The following DOCK8 variants were observed in gnomAD, a reference collection of about 807,000 sequenced individuals.
DOCK8 encodes dedicator of cytokinesis 8.
In DOCK8, 141 loss-of-function variants were observed where a neutral mutation model predicts 245.6. The observed-to-expected ratio is 0.57, with a 90% CI of 0.50 to 0.66. The LOEUF (loss-of-function observed/expected upper bound fraction) is 0.66, where lower values mean the gene tolerates loss of function less well. DOCK8 is among the 30% of genes least tolerant of loss of function. The pLI is 0.00. For synonymous variants in DOCK8, 1,168 were observed against 970.2 expected (o/e 1.20, Z -3.79); for missense variants, 2,965 against 2,603.4 (o/e 1.14, Z -3.02).
intron 28 of DOCK8, among the ~76,000 whole-genome samples, chr9:411,891 C>G (rs555533686): frequency 1.3e-5 from 2 of 152,234 alleles, no homozygotes; most frequent in South Asian, 4.1e-4. Context: ...AATAACGCTT[C>G]CTGATAAAAA....
At chr9:225,946 G>A (rs1039493636) in intron 1 of DOCK8, among the ~76,000 whole-genome samples, 12 of 152,162 alleles carry the variant, frequency 7.9e-5, no homozygotes, top group African/African-American at 2.9e-4. Flanking sequence ...GTGAATGAGG[G>A]GAGAGGAGGA....
chr9:370,105 C>T (rs2053216480), intron 15 of DOCK8, 125 bp from the exon 16 acceptor site: 4 of 852,700 alleles, frequency 4.7e-6, no homozygotes, highest in Non-Finnish European at 7.9e-6. Context: ...TCCTGGCCAA[C>T]CCAGCACTCT....
At chr9:316,117 G>A (rs7032778) in intron 6 of DOCK8, among the ~76,000 whole-genome samples, 81,914 of 151,996 alleles carry the variant, frequency 0.54, 23,213 homozygotes, top group African/African-American at 0.69. Flanking sequence ...ATATTTACCA[G>A]GAAGGTGACT....
Position 232,115 on chromosome 9 carries a change from G to A in DOCK8, c.53+17086G>A, listed in dbSNP as rs12351572. Among the ~76,000 whole-genome samples the A allele has an allele frequency of 2.6e-3, 394 of 152,018 alleles. 2 individuals carry two copies. Among genetic ancestry groups the A allele is most frequent in the African/African-American group, 9.0e-3 (371 of 41,404 alleles). On this transcript the variant is annotated intron_variant, in intron 1 of 47. Coordinates refer to ENST00000432829, the MANE Select transcript of DOCK8 (RefSeq NM_203447.4). The stretch of plus-strand genomic sequence containing the variant: ...GAGTTTTTAGCATGAAGCGTTGTTG[G>A]ATTTTGTCAAAGGCCTTTTCTGCAT...
intron 2 of DOCK8, 148 bp from the exon 3 acceptor site, chr9:286,313 C>A: frequency 1.2e-6 from 1 of 822,006 alleles, no homozygotes; most frequent in Non-Finnish European, 1.9e-6. Flanking sequence ...CTGTGTTTGA[C>A]AGCTCCTCCA....
At chr9:424,788 G>A (rs1050896985) in intron 33 of DOCK8, among the ~76,000 whole-genome samples, 1 of 152,176 alleles carries the variant, frequency 6.6e-6, no homozygotes, top group African/African-American at 2.4e-5. Flanking sequence ...CTACTGAACT[G>A]TATACTTACA....
intron 14 of DOCK8, among the ~76,000 whole-genome samples, chr9:357,619 C>A (rs917549031): frequency 1.3e-5 from 2 of 151,476 alleles, no homozygotes; most frequent in Admixed American, 1.3e-4. Context: ...ACTGCATTTG[C>A]TGTTTGTGAG....
intron 32 of DOCK8, among the ~76,000 whole-genome samples, chr9:421,846 T>A (rs533032786): frequency 6.6e-6 from 1 of 152,272 alleles, no homozygotes; most frequent in South Asian, 2.1e-4. Context: ...GAGGTTCTTC[T>A]TATATTCTAG....
chr9:348,711 T>C (rs1489261577), intron 14 of DOCK8, among the ~76,000 whole-genome samples: 2 of 152,236 alleles, frequency 1.3e-5, no homozygotes, highest in African/African-American at 4.8e-5. Context: ...TTCTATACTT[T>C]TGTTAGTTTT....
intron 14 of DOCK8, among the ~76,000 whole-genome samples, chr9:346,251 C>G (rs2051879513): frequency 6.6e-6 from 1 of 152,096 alleles, no homozygotes; most frequent in South Asian, 2.1e-4. Flanking sequence ...TAGTGGTTTG[C>G]CTAGGAACAC....
chr9:450,270 C>A (rs1207449268), intron 45 of DOCK8, among the ~76,000 whole-genome samples: 1 of 152,160 alleles, frequency 6.6e-6, no homozygotes, highest in Admixed American at 6.5e-5. Flanking sequence ...CCAATTCACG[C>A]AGAGTAATTG....
At chr9:323,181 T>C (rs2050597587) in intron 7 of DOCK8, among the ~76,000 whole-genome samples, 1 of 151,414 alleles carries the variant, frequency 6.6e-6, no homozygotes, top group African/African-American at 2.4e-5. Context: ...CACTGGGCTT[T>C]TCGGTGGTAA....
intron 1 of DOCK8, chr9:220,936 G>T (rs1384223935): frequency 4.3e-6 from 1 of 235,100 alleles, no homozygotes; most frequent in Non-Finnish European, 8.7e-6. Context: ...GTTCAGGCTG[G>T]TCTAGTCTTA....
chr9:258,607 T>C (rs1459395070), intron 1 of DOCK8, among the ~76,000 whole-genome samples: 1 of 147,492 alleles, frequency 6.8e-6, no homozygotes, highest in Non-Finnish European at 1.5e-5. Flanking sequence ...TTTTTTTTTT[T>C]TTTTTTTTGA....
intron 4 of DOCK8, among the ~76,000 whole-genome samples, chr9:294,933 G>A (rs2049191321): frequency 6.6e-6 from 1 of 152,214 alleles, no homozygotes; most frequent in Non-Finnish European, 1.5e-5. Context: ...GCTGAGGCAG[G>A]TGGATCACTT....
chr9:408,908 G>GCA (rs146609576), intron 28 of DOCK8, among the ~76,000 whole-genome samples: 3 of 140,106 alleles, frequency 2.1e-5, no homozygotes, highest in African/African-American at 9.8e-5. Flanking sequence ...GCGTGCACAT[G>GCA]CACACACACA....
At chr9:256,781 T>A in intron 1 of DOCK8, among the ~76,000 whole-genome samples, 1 of 150,266 alleles carries the variant, frequency 6.7e-6, no homozygotes, top group African/African-American at 2.5e-5. Context: ...CAGGCTTCAG[T>A]GCACATCAGA....
Position 458,218 on chromosome 9 carries a change from T to G in DOCK8, c.6069-5299T>G, listed in dbSNP as rs866184135. 6 of 152,346 alleles carry G rather than the reference T, an allele frequency of 3.9e-5. No individual in the cohort carries two copies. The Middle Eastern group carries it at 0.01, about 259-fold the overall frequency. The allele number at this position is 152,346 out of a possible 1,614,324, so 9.4% of individuals were successfully genotyped here. A position where few individuals can be genotyped will look rare whatever the true frequency, so the allele number is the denominator to read the frequency against. On this transcript the variant is annotated intron_variant, in intron 46 of 47. Transcript: ENST00000432829. ...CCAATCCTTTGCCATGCCATCCTGG[T>G]TCTAGTGTACCCATTCTCGTGGTCA...
At chr9:435,284 T>A (rs183003887) in intron 39 of DOCK8, among the ~76,000 whole-genome samples, 162 of 152,344 alleles carry the variant, frequency 1.1e-3, no homozygotes, top group Middle Eastern at 3.4e-3. Context: ...GGGTTTTTTT[T>A]AAATTACTGT....
Sources: gnomAD v4.1 joint callset for allele counts (sites outside exome capture counted in the v4.1 genomes callset) on GRCh38, gnomAD v4.1.1 for gene constraint, MANE v1.5 for transcripts, NCBI Gene and HGNC (gene_info 2026-07-23, HGNC 2026-07-21) for gene names.